Variants in SPACA7 observed in about 807,000 individuals in gnomAD.
SPACA7 encodes sperm acrosome associated 7, also known as sperm acrosome-associated protein 7.
Under a neutral mutation model 26.3 loss-of-function variants are expected in SPACA7, and 19 were observed. The ratio of observed to expected loss-of-function variants is 0.72; its 90% CI spans 0.50 to 1.06. The LOEUF is 1.06. SPACA7 is among the 50% of genes least tolerant of loss of function. SPACA7 has a pLI of 0.00. For missense variants in SPACA7, 211 were observed against 229.9 expected, an observed-to-expected ratio of 0.92 and a Z score of 0.53; for synonymous variants, 84 against 84.5, an observed-to-expected ratio of 0.99 and a Z score of 0.04.
chr13:112,391,743 C>T (rs995226984), intron 1 of SPACA7, among the ~76,000 whole-genome samples: 30 of 152,214 alleles, frequency 2.0e-4, no homozygotes, highest in Admixed American at 9.2e-4. Context: ...ATTATAATTA[C>T]GGGACAGACA....
chr13:112,420,367 T>A (rs1462569524), intron 5 of SPACA7, among the ~76,000 whole-genome samples: 1 of 152,224 alleles, frequency 6.6e-6, no homozygotes, highest in Non-Finnish European at 1.5e-5. Context: ...TCAGGAGAGA[T>A]ATGGAAATTA....
chr13:112,427,324 G>A (rs1449613258), intron 5 of SPACA7, among the ~76,000 whole-genome samples: 8 of 152,192 alleles, frequency 5.3e-5, no homozygotes, highest in African/African-American at 1.2e-4. Context: ...ACCATTAGCC[G>A]CAGCTTGCAG....
chr13:112,403,975 T>C (rs1885812166), intron 5 of SPACA7, among the ~76,000 whole-genome samples: 1 of 152,212 alleles, frequency 6.6e-6, no homozygotes. Context: ...GTAGTTCTAC[T>C]TTTAGTTCTT....
rs141481488 is a variant in SPACA7, at chr13:112,421,106, A to G, written c.446-11338A>G. ...GGCCAAAATGTGGATTGTACAAAGA[A>G]ATAAAAAGTACCAGAAATAGTAAAA... On this transcript the variant is annotated intron_variant, in intron 5 of 6. Transcript: ENST00000283550. 1.1e-4 allele frequency among the ~76,000 whole-genome samples: 16 copies of G among 152,288 alleles called. No individual in the cohort carries two copies. The East Asian group carries it at 3.1e-3, about 29-fold the overall frequency.
At chr13:112,388,113 G>A (rs566657132) in intron 1 of SPACA7, among the ~76,000 whole-genome samples, 76 of 152,242 alleles carry the variant, frequency 5.0e-4, no homozygotes, top group East Asian at 1.9e-4. Context: ...CAACCCCTTC[G>A]GAGATCCCTT....
intron 5 of SPACA7, among the ~76,000 whole-genome samples, chr13:112,408,083 G>A (rs1028635418): frequency 2.6e-5 from 4 of 152,090 alleles, no homozygotes; most frequent in East Asian, 1.9e-4. Context: ...ATAAATAAAC[G>A]TAGTCGAGCA....
intron 1 of SPACA7, among the ~76,000 whole-genome samples, chr13:112,391,220 A>G (rs1372739769): frequency 6.6e-6 from 1 of 152,222 alleles, no homozygotes; most frequent in East Asian, 1.9e-4. Context: ...GAAACAGGTG[A>G]CCAAGGTCTT....
At chr13:112,431,327 C>G (rs1877117815) in intron 5 of SPACA7, among the ~76,000 whole-genome samples, 1 of 152,262 alleles carries the variant, frequency 6.6e-6, no homozygotes, top group East Asian at 1.9e-4. Context: ...GCCAGAAAAC[C>G]CAACTTCCCC....
Position 112,401,114 on chromosome 13 carries a change from A to G in SPACA7, c.395A>G (p.Tyr132Cys), listed in dbSNP as rs765785111. The G allele has an allele frequency of 5.6e-6, 9 of 1,614,062 alleles. No homozygotes were observed. The highest frequency in any genetic ancestry group is 8.5e-7 in the Non-Finnish European group (1 of 1,180,018). Reference sequence around the variant, plus strand: ...CTCCATGGCGATCCTTCTGAGAATTATCGTGGGCCACAGGTGTCTCCTGGC... The same window carrying G: ...CTCCATGGCGATCCTTCTGAGAATTGTCGTGGGCCACAGGTGTCTCCTGGC... ...ANLHGDPSENYRGPQVSPGSE... is the reference protein window; with the variant it reads ...ANLHGDPSENCRGPQVSPGSE... Residue 132 changes from tyrosine to cysteine, a missense_variant, in exon 5 of 7, where the codon TAT becomes TGT. Coordinates refer to ENST00000283550, the MANE Select transcript of SPACA7 (RefSeq NM_145248.5).
intron 1 of SPACA7, among the ~76,000 whole-genome samples, chr13:112,384,669 C>T (rs1884414718): frequency 2.0e-5 from 3 of 152,096 alleles, no homozygotes; most frequent in Admixed American, 2.0e-4. Context: ...AAAATGATAA[C>T]TTCAAAATCT....
intron 1 of SPACA7, among the ~76,000 whole-genome samples, chr13:112,383,145 GAAAGAAAGAAAGAAAGAAA>G (rs1566453337): frequency 4.2e-5 from 3 of 70,624 alleles, no homozygotes; most frequent in Non-Finnish European, 8.1e-5. Flanking sequence ...AAGAAAGAAA[GAAAGAAAGAAAGAAAGAAA>G]GAAAGAAAGA....
chr13:112,395,950 T>C (rs1186082999), intron 2 of SPACA7, among the ~76,000 whole-genome samples: 1 of 151,664 alleles, frequency 6.6e-6, no homozygotes, highest in Non-Finnish European at 1.5e-5. Context: ...TCCCCGAGGG[T>C]AGGGAGGCCC....
At chr13:112,421,992 G>A (rs1246935642) in intron 5 of SPACA7, among the ~76,000 whole-genome samples, 1 of 152,026 alleles carries the variant, frequency 6.6e-6, no homozygotes, top group Non-Finnish European at 1.5e-5. Context: ...AGAGGATGAG[G>A]AAAAATAACT....
chr13:112,429,562 G>T (rs563394896), intron 5 of SPACA7, among the ~76,000 whole-genome samples: 1 of 152,066 alleles, frequency 6.6e-6, no homozygotes, highest in African/African-American at 2.4e-5. Context: ...TATAGACAGC[G>T]TATGGTTGGC....
In SPACA7 at chr13:112,413,598, T is replaced by C. The variant is rs562267359; in HGVS notation, c.445+12434T>C. Among the ~76,000 whole-genome samples, 19 of 152,340 alleles carry C rather than the reference T, an allele frequency of 1.2e-4. No individual in the cohort carries two copies. In the South Asian group the frequency reaches 3.5e-3, roughly 28 times the overall value. ...GTTGAATATTCCTGGTGATCTTTGA[T>C]CTTCTTGTACCTCAGTATTCCTATA... On this transcript the variant is annotated intron_variant, in intron 5 of 6. Transcript: ENST00000283550.
At chr13:112,389,852 A>G (rs891487410) in intron 1 of SPACA7, among the ~76,000 whole-genome samples, 8 of 152,256 alleles carry the variant, frequency 5.3e-5, no homozygotes, top group African/African-American at 1.9e-4. Flanking sequence ...TACCCACTCA[A>G]TAAGGGCTAA....
chr13:112,377,136 T>C lies in SPACA7; in HGVS notation c.94+657T>C, dbSNP rs74135376. ...ATCAGGGTGGGTCAGTGGATGAACA[T>C]TGCTAAAAGGTAGGAGAATTCTTTG... On this transcript the variant is annotated intron_variant, in intron 1 of 6. Coordinates refer to ENST00000283550, the MANE Select transcript of SPACA7 (RefSeq NM_145248.5). Among the ~76,000 whole-genome samples the C allele has an allele frequency of 3.6e-3, 549 of 152,220 alleles. 5 individuals are homozygous for C. Among genetic ancestry groups the C allele is most frequent in the African/African-American group, 0.012 (519 of 41,528 alleles).
At chr13:112,390,431 C>T (rs79072181) in intron 1 of SPACA7, among the ~76,000 whole-genome samples, 1,614 of 148,702 alleles carry the variant, frequency 0.011, 28 homozygotes, top group African/African-American at 0.04. Flanking sequence ...TTTTCATGGG[C>T]ATGTGTTCAA....
chr13:112,412,085 C>T lies in SPACA7; in HGVS notation c.445+10921C>T, dbSNP rs142833953. Among the ~76,000 whole-genome samples, 333 of 152,184 alleles carry T rather than the reference C, an allele frequency of 2.2e-3. 1 individual carries two copies. Among genetic ancestry groups the T allele is most frequent in the African/African-American group, 7.8e-3 (322 of 41,542 alleles). On this transcript the variant is annotated intron_variant, in intron 5 of 6. Transcript: ENST00000283550. The stretch of plus-strand genomic sequence containing the variant: ...CTCCCACCAACAATGTACAAGGATT[C>T]CCCCTTTTTCCCCATCCTTGCCAGC...
Sources: allele counts gnomAD v4.1 joint callset (sites outside exome capture counted in the v4.1 genomes callset), GRCh38; gene constraint gnomAD v4.1.1; transcripts MANE v1.5; gene names NCBI Gene and HGNC (gene_info 2026-07-23, HGNC 2026-07-21).